Variants in DRC7 observed in about 807,000 individuals in gnomAD.
DRC7 encodes dynein regulatory complex subunit 7.
DRC7 carries 80 observed loss-of-function variants against 104.4 expected under a neutral mutation model. The ratio of observed to expected loss-of-function variants is 0.77; its 90% CI spans 0.64 to 0.92. DRC7 has a LOEUF of 0.92. Among genes scored for constraint, DRC7 ranks in the 40% least tolerant of loss-of-function variants. The probability of loss-of-function intolerance (pLI) is 0.00; values close to 1 mark genes in which losing one functional copy is unlikely to be tolerated. For missense variants in DRC7, 1,034 were observed against 1,141.1 expected, an observed-to-expected ratio of 0.91 and a Z score of 1.35; for synonymous variants, 405 against 447.3, an observed-to-expected ratio of 0.91 and a Z score of 1.19.
Position 57,722,805 on chromosome 16 carries a change from C to T in DRC7, c.1372C>T (p.Leu458Phe), listed in dbSNP as rs2048918193. The T allele has an allele frequency of 6.2e-7, 1 of 1,613,766 alleles. No individual in the cohort carries two copies. The highest frequency in any genetic ancestry group is 1.7e-5 in the Admixed American group (1 of 60,012). Residue 458 changes from leucine (L) to phenylalanine (F), a missense_variant, in exon 11 of 19, where the codon CTT becomes TTT. Coordinates refer to ENST00000360716, the MANE Select transcript of DRC7 (RefSeq NM_001289162.2). Reference protein sequence around the residue: ...KWAPYLNSNGLVSRLTTYEDL... With the variant: ...KWAPYLNSNGFVSRLTTYEDL... ...GGCCCCGTACCTCAATAGCAATGGC[C>T]TTGTGAGCCGCCTCACCACCTATGA...
intron 12 of DRC7, among the ~76,000 whole-genome samples, chr16:57,724,138 C>T (rs1371203430): frequency 6.6e-6 from 1 of 151,916 alleles, no homozygotes; most frequent in Non-Finnish European, 1.5e-5. Context: ...GGTGAAACCC[C>T]GTTTCTACTA....
In DRC7 at chr16:57,726,171, A is replaced by G. The variant is rs1168397284; in HGVS notation, c.1862A>G (p.His621Arg). ...GAGGAGCGCATCCAGCTGCGCTACC[A>G]CTGCCGTGAGGACCACATCACGGCC... ...VAEERIQLRY[H>R]CREDHITASK... Residue 621 changes from histidine to arginine, a missense_variant, in exon 14 of 19, where the codon CAC becomes CGC. Physicochemically the swap from His to Arg is conservative, Grantham distance 29. Transcript: ENST00000360716. 3.1e-6 allele frequency: 5 copies of G among 1,613,212 alleles called. No homozygotes were observed. The highest frequency in any genetic ancestry group is 2.2e-5 in the East Asian group (1 of 44,886).
In DRC7 at chr16:57,697,136, C is replaced by T. The variant is rs566385077; in HGVS notation, c.-38+542C>T. Among the ~76,000 whole-genome samples the T allele has an allele frequency of 1.6e-4, 24 of 152,244 alleles. No homozygotes were observed. In the East Asian group the frequency reaches 4.3e-3, roughly 27 times the overall value. ...CCATATTGGCCAGGCTGGTCTCGAA[C>T]TTCTGACCTCAAGTGATCCACCTGC... On this transcript the variant is annotated intron_variant, in intron 2 of 18. Coordinates refer to ENST00000360716, the MANE Select transcript of DRC7 (RefSeq NM_001289162.2).
At chr16:57,718,223 T>C in intron 8 of DRC7, 124 bp from the exon 9 acceptor site, 1 of 1,265,340 alleles carries the variant, frequency 7.9e-7, no homozygotes, top group Non-Finnish European at 1.1e-6. Flanking sequence ...ACGTTCTGCT[T>C]CCCCAAGCCC....
At chr16:57,706,592 A>G (rs1479886759) in intron 7 of DRC7, among the ~76,000 whole-genome samples, 1 of 64,746 alleles carries the variant, frequency 1.5e-5, no homozygotes, top group Admixed American at 2.0e-4. Context: ...CCATCCTCCC[A>G]TCCGTCCATC....
intron 8 of DRC7, among the ~76,000 whole-genome samples, chr16:57,715,468 C>T (rs190641503): frequency 7.9e-5 from 12 of 152,298 alleles, no homozygotes; most frequent in East Asian, 1.9e-4. Flanking sequence ...ATTGCTTTGC[C>T]GGTTGCTCTG....
Position 57,702,135 on chromosome 16 carries a change from G to A in DRC7, c.699+5G>A, listed in dbSNP as rs72795521. ...CTCACTGTGAAGCCCAAGGAGGTAT[G>A]GTCGGGCTTGAGCTGCCCGGGTTTC... On this transcript the variant is annotated splice_donor_5th_base_variant and intron_variant, in intron 6 of 18. Transcript: ENST00000360716. 0.15 allele frequency: 249,321 copies of A among 1,613,466 alleles called. 20,398 individuals carry two copies. Among genetic ancestry groups the A allele is most frequent in the East Asian group, 0.28 (12,572 of 44,844 alleles).
At position 57,698,159 on chromosome 16, in the gene DRC7, G is replaced by A. The variant is rs1484319289; in HGVS notation, c.203+7G>A. 1 of 1,613,814 alleles carries A rather than the reference G, an allele frequency of 6.2e-7. No individual in the cohort carries two copies. The highest frequency in any genetic ancestry group is 2.2e-5 in the East Asian group (1 of 44,896). Reference sequence around the variant, plus strand: ...CTGTCTCAGCGGAGCTCCCGTGAGTGTGGCAGGGTGGGGGCCCTGGCAAGG... The same window carrying A: ...CTGTCTCAGCGGAGCTCCCGTGAGTATGGCAGGGTGGGGGCCCTGGCAAGG... On this transcript the variant is annotated splice_region_variant and intron_variant, in intron 3 of 18. Coordinates refer to ENST00000360716, the MANE Select transcript of DRC7 (RefSeq NM_001289162.2).
intron 5 of DRC7, 145 bp downstream of exon 5, chr16:57,700,415 A>G: frequency 9.6e-7 from 1 of 1,041,918 alleles, no homozygotes; most frequent in Non-Finnish European, 1.4e-6. Context: ...TTGGGAGGCC[A>G]AGGCGGGCAG....
rs2048611199 is a variant in DRC7 at position 57,697,778 on chromosome 16, A to G, written c.-37-135A>G. 4.3e-6 allele frequency: 4 copies of G among 923,798 alleles called. No individual in the cohort carries two copies. In the South Asian group the frequency reaches 5.1e-5, roughly 12 times the overall value. 57.2% of individuals were successfully genotyped at this position (923,798 alleles called of 1,614,324 possible). A position where few individuals can be genotyped will look rare whatever the true frequency, so the allele number is the denominator to read the frequency against. On this transcript the variant is annotated intron_variant, in intron 2 of 18. Transcript: ENST00000360716. ...TTCTCCATGTTTGAAAGGAAGTCAA[A>G]GAGGGAATCACTCCCTATGTGTTCG...
chr16:57,726,010 G>GAA, intron 13 of DRC7, 58 bp from the exon 14 acceptor site: 1 of 1,489,218 alleles, frequency 6.7e-7, no homozygotes, highest in African/African-American at 1.4e-5. Flanking sequence ...GGCATGCACA[G>GAA]AAATCTCCTC....
chr16:57,727,105 C>G (rs868140522), intron 15 of DRC7, 163 bp downstream of exon 15: 3 of 647,396 alleles, frequency 4.6e-6, no homozygotes, highest in African/African-American at 3.6e-5. Context: ...GGACCACTAG[C>G]GCACACCACC....
At chr16:57,696,757 C>G (rs896522999) in intron 2 of DRC7, among the ~76,000 whole-genome samples, 163 bp downstream of exon 2, 2 of 152,200 alleles carry the variant, frequency 1.3e-5, no homozygotes, top group African/African-American at 2.4e-5. Context: ...CCCCACCCCC[C>G]ACTCCCTGTT....
intron 8 of DRC7, among the ~76,000 whole-genome samples, chr16:57,710,215 AG>A (rs1396961355): frequency 6.6e-6 from 1 of 152,232 alleles, no homozygotes; most frequent in African/African-American, 2.4e-5. Flanking sequence ...AACATTTTGT[AG>A]GTTTCAGTGT....
chr16:57,731,175 C>A lies in DRC7; in HGVS notation c.2542C>A (p.Leu848Met). Residue 848 changes from leucine (L) to methionine (M), a missense_variant, in exon 19 of 19, where the codon CTG (leucine) becomes ATG (methionine). Transcript: ENST00000360716. Reference protein sequence around the residue: ...LEQRLNRHKELAPLKYLALEE... With the variant: ...LEQRLNRHKEMAPLKYLALEE... ...CCTCTCTGACTTCAGACACAAGGAACTGGCCCCACTGAAGTACCTGGCTCT... is the reference window on the plus strand; with the variant it reads ...CCTCTCTGACTTCAGACACAAGGAAATGGCCCCACTGAAGTACCTGGCTCT... 1.2e-6 allele frequency: 2 copies of A among 1,613,900 alleles called. No homozygotes were observed. Among genetic ancestry groups the A allele is most frequent in the Admixed American group, 1.7e-5 (1 of 60,024 alleles).
At chr16:57,698,783 C>T (rs1177091993) in intron 3 of DRC7, 67 bp from the exon 4 acceptor site, 2 of 1,521,162 alleles carry the variant, frequency 1.3e-6, no homozygotes, top group East Asian at 2.3e-5. Flanking sequence ...CCAATGGCAA[C>T]TCAGTGGAAC....
At chr16:57,725,031 G>A (rs1186538281) in intron 13 of DRC7, among the ~76,000 whole-genome samples, 196 bp downstream of exon 13, 1 of 152,124 alleles carries the variant, frequency 6.6e-6, no homozygotes, top group African/African-American at 2.4e-5. Context: ...CTGAGACTGG[G>A]TAATTTATAA....
intron 8 of DRC7, among the ~76,000 whole-genome samples, chr16:57,715,982 G>T (rs1172480062): frequency 6.6e-6 from 1 of 152,246 alleles, no homozygotes; most frequent in African/African-American, 2.4e-5. Context: ...TGGAGCAGCT[G>T]CTTTGTTTCT....
rs764556442 is a variant in DRC7 at position 57,718,418 on chromosome 16, G to C, written c.1149G>C (p.Leu383=). 6 of 1,614,160 alleles carry C rather than the reference G, an allele frequency of 3.7e-6. No individual in the cohort carries two copies. Among genetic ancestry groups the C allele is most frequent in the South Asian group, 1.1e-5 (1 of 91,084 alleles). The change falls in exon 9 of 19, where the codon CTG becomes CTC. Residue 383 remains leucine, a synonymous_variant. Transcript: ENST00000360716. ...YMLLGTDKSQ[L]SLTEEDDSGI... is the part of the protein sequence containing the mutation. Reference sequence around the variant, plus strand: ...TCCTGGGGACTGATAAGTCTCAGCTGTCCTTGACTGAAGAAGACGACAGTG... The same window carrying C: ...TCCTGGGGACTGATAAGTCTCAGCTCTCCTTGACTGAAGAAGACGACAGTG...
Sources: allele counts gnomAD v4.1 joint callset (sites outside exome capture counted in the v4.1 genomes callset), GRCh38; gene constraint gnomAD v4.1.1; transcripts MANE v1.5; gene names NCBI Gene and HGNC (gene_info 2026-07-23, HGNC 2026-07-21).